The following LRRC38 variants were observed in gnomAD, a reference collection of about 807,000 sequenced individuals.
The protein encoded by LRRC38 is leucine-rich repeat-containing protein 38.
Under a neutral mutation model 16.4 loss-of-function variants are expected in LRRC38, and 5 were observed. The ratio of observed to expected loss-of-function variants is 0.31; its 90% CI spans 0.16 to 0.64. LRRC38 has a LOEUF of 0.64. Ranked by LOEUF, LRRC38 falls within the 30% of genes least tolerant of loss-of-function variation. The pLI, the probability that LRRC38 is intolerant of heterozygous loss-of-function variation, is 0.80. For missense variants in LRRC38, 341 were observed against 401.8 expected (o/e 0.85, Z 1.29); for synonymous variants, 191 against 190.2 (o/e 1.00, Z -0.04).
chr1:13,492,948 C>T (rs909972043), intron 1 of LRRC38, among the ~76,000 whole-genome samples: 3 of 150,606 alleles, frequency 2.0e-5, no homozygotes, highest in East Asian at 2.4e-4. Context: ...ACGTGAGTCC[C>T]GTCGCTCTTG....
chr1:13,501,351 T>C (rs867471858), intron 1 of LRRC38, among the ~76,000 whole-genome samples: 1 of 152,174 alleles, frequency 6.6e-6, no homozygotes, highest in Non-Finnish European at 1.5e-5. Context: ...AAATCTTTAC[T>C]GTCTGCTTAA....
intron 1 of LRRC38, among the ~76,000 whole-genome samples, chr1:13,511,087 T>C (rs1344142309): frequency 6.6e-6 from 1 of 152,142 alleles, no homozygotes; most frequent in Non-Finnish European, 1.5e-5. Context: ...GCTCTGGACA[T>C]GGCTCCTTGC....
Position 13,510,125 on chromosome 1 carries a change from G to C in LRRC38, c.631+2838C>G, listed in dbSNP as rs117249352. ...TCTGTCTTGCTTCTCTGGGGGACAA[G>C]GGGGCAGGGAGGCAAGGGAAAGCAA... On this transcript the variant is annotated intron_variant, in intron 1 of 1. Coordinates refer to ENST00000376085, the MANE Select transcript of LRRC38 (RefSeq NM_001010847.2). Among the ~76,000 whole-genome samples, 179 of 152,290 alleles carry C rather than the reference G, an allele frequency of 1.2e-3. 1 individual carries two copies. The East Asian group carries it at 0.031, about 27-fold the overall frequency.
At chr1:13,481,758 T>TC (rs1557495232) in intron 1 of LRRC38, among the ~76,000 whole-genome samples, 10 of 133,576 alleles carry the variant, frequency 7.5e-5, no homozygotes, top group Non-Finnish European at 1.2e-4. Flanking sequence ...TCTCACTTTC[T>TC]TTCCCTCTCT....
At chr1:13,489,021 G>A (rs1173536027) in intron 1 of LRRC38, among the ~76,000 whole-genome samples, 1 of 152,150 alleles carries the variant, frequency 6.6e-6, no homozygotes, top group African/African-American at 2.4e-5. Flanking sequence ...GAAACCTCCC[G>A]GGCTGAGTGG....
At chr1:13,484,235 G>A (rs986874488) in intron 1 of LRRC38, among the ~76,000 whole-genome samples, 1 of 152,044 alleles carries the variant, frequency 6.6e-6, no homozygotes, top group Admixed American at 6.5e-5. Flanking sequence ...TTCTCAAAGA[G>A]GCCTCCCTGC....
chr1:13,489,886 T>G (rs1445281666), intron 1 of LRRC38, among the ~76,000 whole-genome samples: 2 of 152,128 alleles, frequency 1.3e-5, no homozygotes, highest in Non-Finnish European at 2.9e-5. Context: ...AAGCTACATC[T>G]GCAGCTTCGG....
At chr1:13,510,449 G>A (rs1639261718) in intron 1 of LRRC38, among the ~76,000 whole-genome samples, 1 of 152,116 alleles carries the variant, frequency 6.6e-6, no homozygotes, top group African/African-American at 2.4e-5. Context: ...CACTGTTCTC[G>A]GTCCTTTATA....
chr1:13,491,589 T>C (rs947010319), intron 1 of LRRC38, among the ~76,000 whole-genome samples: 1 of 152,182 alleles, frequency 6.6e-6, no homozygotes, highest in Non-Finnish European at 1.5e-5. Context: ...AACACAACAA[T>C]GTGAAGGTAG....
intron 1 of LRRC38, among the ~76,000 whole-genome samples, chr1:13,476,479 C>A (rs1198112533): frequency 6.6e-6 from 1 of 152,108 alleles, no homozygotes; most frequent in Admixed American, 6.6e-5. Context: ...CAGGTGTGCA[C>A]CGCCACACCT....
chr1:13,477,270 A>T (rs927392882), intron 1 of LRRC38, among the ~76,000 whole-genome samples: 1 of 152,240 alleles, frequency 6.6e-6, no homozygotes, highest in Admixed American at 6.5e-5. Context: ...TTTATGCCAC[A>T]GATATTTTTT....
chr1:13,475,454 T>G lies in LRRC38; in HGVS notation c.*392A>C, dbSNP rs1224723147. The G allele has an allele frequency of 5.8e-6, 1 of 173,266 alleles. No homozygotes were observed. The highest frequency in any genetic ancestry group is 2.4e-5 in the African/African-American group (1 of 42,368). 10.7% of individuals were successfully genotyped at this position (173,266 alleles called of 1,614,324 possible). On this transcript the variant is annotated 3_prime_UTR_variant, in exon 2 of 2. Transcript: ENST00000376085. The surrounding 1 kb of genome is among the most constrained non-coding windows in gnomAD (Gnocchi z 4.3). The stretch of plus-strand genomic sequence containing the variant: ...TCTTGGGAGGAAGGCAGATGTTTCA[T>G]GATCTCCCAGTACAGGTCAGAAAAA...
intron 1 of LRRC38, among the ~76,000 whole-genome samples, chr1:13,492,527 C>A (rs547351242): frequency 4.6e-5 from 7 of 152,152 alleles, no homozygotes; most frequent in East Asian, 1.9e-4. Flanking sequence ...ATGGCACAAC[C>A]CCCATGTCTA....
At chr1:13,485,349 G>A (rs1031260257) in intron 1 of LRRC38, among the ~76,000 whole-genome samples, 4 of 151,436 alleles carry the variant, frequency 2.6e-5, no homozygotes, top group Non-Finnish European at 5.9e-5. Flanking sequence ...AGGCCGAGGC[G>A]GACAGATCAT....
Position 13,487,928 on chromosome 1 carries a change from G to A in LRRC38, c.632-11829C>T, listed in dbSNP as rs1444545623. Among the ~76,000 whole-genome samples the A allele has an allele frequency of 6.6e-6, 1 of 151,780 alleles. No individual in the cohort carries two copies. Among genetic ancestry groups the A allele is most frequent in the Non-Finnish European group, 1.5e-5 (1 of 67,990 alleles). On this transcript the variant is annotated intron_variant, in intron 1 of 1. Coordinates refer to ENST00000376085, the MANE Select transcript of LRRC38 (RefSeq NM_001010847.2). The surrounding 1 kb of genome is among the most constrained non-coding windows in gnomAD (Gnocchi z 4.4). ...TTTGTTTTCTTATCTCCACATATTAGGCAAAGCTCACATATATACTGAGAC... is the reference window on the plus strand; with the variant it reads ...TTTGTTTTCTTATCTCCACATATTAAGCAAAGCTCACATATATACTGAGAC...
rs536805597 is a variant in LRRC38 at position 13,496,871 on chromosome 1, G to C, written c.631+16092C>G. Among the ~76,000 whole-genome samples, 4 of 152,272 alleles carry C rather than the reference G, an allele frequency of 2.6e-5. No homozygotes were observed. The South Asian group carries it at 8.3e-4, about 32-fold the overall frequency. ...GAGAGCCAGAGGTGGTGGGGTGCAG[G>C]GTTCAATGGGGCTGCGGCCCAGGGA... On this transcript the variant is annotated intron_variant, in intron 1 of 1. Coordinates refer to ENST00000376085, the MANE Select transcript of LRRC38 (RefSeq NM_001010847.2).
At chr1:13,497,563 A>C in intron 1 of LRRC38, among the ~76,000 whole-genome samples, 1 of 151,944 alleles carries the variant, frequency 6.6e-6, no homozygotes, top group East Asian at 1.9e-4. Context: ...ACCTGTTGGC[A>C]CCTTGGCTTC....
chr1:13,509,124 T>C (rs941548127), intron 1 of LRRC38, among the ~76,000 whole-genome samples: 5 of 152,130 alleles, frequency 3.3e-5, no homozygotes, highest in Admixed American at 3.3e-4. Context: ...ACCCAAGGCA[T>C]GACATGTGGT....
rs1248253679 is a variant in LRRC38, at chr1:13,487,453, G to A, written c.632-11354C>T. Among the ~76,000 whole-genome samples, 1 of 152,184 alleles carries A rather than the reference G, an allele frequency of 6.6e-6. No homozygotes were observed. Among genetic ancestry groups the A allele is most frequent in the Non-Finnish European group, 1.5e-5 (1 of 68,034 alleles). ...CTTCCCACCTTTCGTCTTGCGATGGGTCTACCTCCAACCCACTGAAACCAA... is the reference window on the plus strand; with the variant it reads ...CTTCCCACCTTTCGTCTTGCGATGGATCTACCTCCAACCCACTGAAACCAA... On this transcript the variant is annotated intron_variant, in intron 1 of 1. Coordinates refer to ENST00000376085, the MANE Select transcript of LRRC38 (RefSeq NM_001010847.2). The surrounding 1 kb of genome is among the most constrained non-coding windows in gnomAD (Gnocchi z 4.4).
Sources: gnomAD v4.1 joint callset for allele counts (sites outside exome capture counted in the v4.1 genomes callset) on GRCh38, gnomAD v4.1.1 for gene constraint, Gnocchi (gnomAD v3.1) non-coding constraint, MANE v1.5 for transcripts, NCBI Gene and HGNC (gene_info 2026-07-23, HGNC 2026-07-21) for gene names.